Variants in UNC5C observed in about 807,000 individuals in gnomAD.
The protein encoded by UNC5C is netrin receptor UNC5C.
A neutral mutation model predicts 99.8 loss-of-function variants in UNC5C; 47 were observed. The observed-to-expected ratio is 0.47, with a 90% CI of 0.37 to 0.60. UNC5C has a LOEUF of 0.60. UNC5C is among the 20% of genes least tolerant of loss of function. The pLI is 0.00. For missense variants in UNC5C, 1,062 were observed against 1,165.9 expected, an observed-to-expected ratio of 0.91 and a Z score of 1.30; for synonymous variants, 487 against 452.2, an observed-to-expected ratio of 1.08 and a Z score of -0.98.
At position 95,380,630 on chromosome 4, in the gene UNC5C, A is replaced by AAAAAC. The variant is rs1236952744; in HGVS notation, c.125-45004_125-45000dup. ...GATCACCATTTACCCAGAAAAGACAAAAAACAAAACAAAACAAAAACCCTG... is the reference window on the plus strand; with the variant it reads ...GATCACCATTTACCCAGAAAAGACAAAAAACAAAACAAAACAAAACAAAAACCCTG... On this transcript the variant is annotated intron_variant, in intron 1 of 15. Coordinates refer to ENST00000453304, the MANE Select transcript of UNC5C (RefSeq NM_003728.4). Among the ~76,000 whole-genome samples the AAAAAC allele has an allele frequency of 1.8e-4, 28 of 152,212 alleles. No individual in the cohort carries two copies. The East Asian group carries it at 4.7e-3, about 25-fold the overall frequency.
chr4:95,328,352 G>A (rs1405194164), intron 2 of UNC5C, among the ~76,000 whole-genome samples: 1 of 101,978 alleles, frequency 9.8e-6, no homozygotes, highest in Non-Finnish European at 2.2e-5. Flanking sequence ...TACTGAGAAT[G>A]ATGGTTTCCA....
At position 95,327,903 on chromosome 4, in the gene UNC5C, G is replaced by A. The variant is rs539508158; in HGVS notation, c.346+7507C>T. On this transcript the variant is annotated intron_variant, in intron 2 of 15. Transcript: ENST00000453304. ...AAAAAGAATTCAGGACACACTGGGTGCAGGAACCCAAAAAGGCTGTCACAC... is the reference window on the plus strand; with the variant it reads ...AAAAAGAATTCAGGACACACTGGGTACAGGAACCCAAAAAGGCTGTCACAC... 5.3e-5 allele frequency among the ~76,000 whole-genome samples: 8 copies of A among 152,072 alleles called. No homozygotes were observed. The East Asian group carries it at 1.6e-3, about 29-fold the overall frequency.
intron 1 of UNC5C, among the ~76,000 whole-genome samples, chr4:95,500,718 G>A (rs1253902401): frequency 6.6e-6 from 1 of 152,090 alleles, no homozygotes; most frequent in African/African-American, 2.4e-5. Flanking sequence ...TTACTAAAAT[G>A]AATAGAAAAT....
intron 10 of UNC5C, among the ~76,000 whole-genome samples, chr4:95,209,973 A>C (rs1266653378): frequency 4.6e-5 from 7 of 152,162 alleles, no homozygotes; most frequent in Non-Finnish European, 1.0e-4. Context: ...TGGTCTTTGC[A>C]ATATAGTTGG....
chr4:95,422,199 G>A (rs547650520), intron 1 of UNC5C, among the ~76,000 whole-genome samples: 1 of 152,300 alleles, frequency 6.6e-6, no homozygotes, highest in South Asian at 2.1e-4. Context: ...TTCCTGGATT[G>A]TCTGCATTTG....
At chr4:95,177,718 G>T (rs551419246) in intron 14 of UNC5C, among the ~76,000 whole-genome samples, 1 of 152,184 alleles carries the variant, frequency 6.6e-6, no homozygotes, top group Admixed American at 6.5e-5. Context: ...TGTGGTAGGA[G>T]GGGCATTTGA....
In UNC5C at chr4:95,492,587, A is replaced by G. The variant is rs139027042; in HGVS notation, c.124+56147T>C. Among the ~76,000 whole-genome samples the G allele has an allele frequency of 1.0e-3, 154 of 151,514 alleles. No individual in the cohort carries two copies. In the Middle Eastern group the frequency reaches 0.01, roughly 10 times the overall value. On this transcript the variant is annotated intron_variant, in intron 1 of 15. Transcript: ENST00000453304. ...TTAGCTGTGTTTAAGATTTAAAAGT[A>G]TATTTTATTCAAGGTCCAAAAGGAA... is the stretch of plus-strand genomic sequence containing the variant.
Position 95,180,793 on chromosome 4 carries a change from C to T in UNC5C, c.2451+2104G>A, listed in dbSNP as rs142101416. The stretch of plus-strand genomic sequence containing the variant: ...GCCAGCTCATTCCTGGGAGATAGGA[C>T]ATTGGAACGGGAACCCCAGCCTCAT... On this transcript the variant is annotated intron_variant, in intron 14 of 15. Transcript: ENST00000453304. Among the ~76,000 whole-genome samples, 223 of 152,282 alleles carry T rather than the reference C, an allele frequency of 1.5e-3. 1 individual carries two copies. Among genetic ancestry groups the T allele is most frequent in the African/African-American group, 5.1e-3 (212 of 41,554 alleles).
chr4:95,548,332 C>T (rs953711258), intron 1 of UNC5C, among the ~76,000 whole-genome samples: 2 of 152,080 alleles, frequency 1.3e-5, no homozygotes, highest in Non-Finnish European at 2.9e-5. Flanking sequence ...GCATCATGCG[C>T]TTCGGGGTGC....
intron 2 of UNC5C, among the ~76,000 whole-genome samples, chr4:95,325,736 G>T (rs2626034): frequency 0.15 from 22,092 of 151,998 alleles, 2,010 homozygotes; most frequent in Admixed American, 0.19. Flanking sequence ...TGGCCAAAGA[G>T]CAAAGGCCTT....
chr4:95,498,706 AGT>A (rs1216176099), intron 1 of UNC5C, among the ~76,000 whole-genome samples: 5 of 51,618 alleles, frequency 9.7e-5, no homozygotes, highest in Non-Finnish European at 2.9e-4. Context: ...TGGAACATAC[AGT>A]GTTTTTTTTT....
intron 1 of UNC5C, among the ~76,000 whole-genome samples, chr4:95,461,813 A>T (rs900576789): frequency 1.3e-5 from 2 of 152,192 alleles, no homozygotes; most frequent in Non-Finnish European, 2.9e-5. Context: ...GATGATAGTG[A>T]CCATGCTTGC....
chr4:95,178,843 C>CTATT (rs1736479361), intron 14 of UNC5C, among the ~76,000 whole-genome samples: 1 of 152,188 alleles, frequency 6.6e-6, no homozygotes, highest in African/African-American at 2.4e-5. Context: ...CTCACTCAGC[C>CTATT]TATTTATTTC....
chr4:95,271,476 G>A (rs1230974489), intron 4 of UNC5C, among the ~76,000 whole-genome samples: 1 of 151,978 alleles, frequency 6.6e-6, no homozygotes, highest in Non-Finnish European at 1.5e-5. Context: ...TGATCCGCCC[G>A]CCTCGGCCTA....
intron 1 of UNC5C, among the ~76,000 whole-genome samples, chr4:95,479,912 T>C (rs1458459437): frequency 6.6e-6 from 1 of 151,792 alleles, no homozygotes; most frequent in Non-Finnish European, 1.5e-5. Flanking sequence ...CCTCATCTAA[T>C]CTGTTGAAGG....
chr4:95,464,372 T>C (rs1011431601), intron 1 of UNC5C, among the ~76,000 whole-genome samples: 1 of 152,196 alleles, frequency 6.6e-6, no homozygotes, highest in Admixed American at 6.5e-5. Context: ...CATCTACAAT[T>C]AAAAATGACA....
chr4:95,219,076 T>A lies in UNC5C; in HGVS notation c.1538A>T (p.Glu513Val). The change falls in exon 9 of 16, where the codon GAA (glutamate) becomes GTA (valine). Residue 513 changes from glutamate to valine, a missense_variant. This residue lies in a region of UNC5C where 810 missense variants were observed against 854.5 expected (regional missense o/e 0.95). Transcript: ENST00000453304. ...PQMTQSLLEN[E>V]ALSLKNQSLA... The stretch of plus-strand genomic sequence containing the variant: ...ACTCTGGTTCTTCAGGCTGAGGGCT[T>A]CATTCTCCAACAACGACTGGGTCAT... 6.2e-7 allele frequency: 1 copy of A among 1,614,156 alleles called. No homozygotes were observed. The highest frequency in any genetic ancestry group is 2.2e-5 in the East Asian group (1 of 44,884).
chr4:95,265,902 C>T (rs1410064032), intron 4 of UNC5C, among the ~76,000 whole-genome samples: 1 of 151,876 alleles, frequency 6.6e-6, no homozygotes, highest in South Asian at 2.1e-4. Context: ...AAATGAGATA[C>T]GAAAAGAAAG....
chr4:95,423,367 G>A (rs1746373896), intron 1 of UNC5C, among the ~76,000 whole-genome samples: 1 of 152,186 alleles, frequency 6.6e-6, no homozygotes, highest in African/African-American at 2.4e-5. Flanking sequence ...TGTATGGCAG[G>A]AGAAAGTAAG....
Sources: allele counts gnomAD v4.1 joint callset (sites outside exome capture counted in the v4.1 genomes callset), GRCh38; gene constraint gnomAD v4.1.1; regional missense constraint gnomAD v4.1.1; transcripts MANE v1.5; gene names NCBI Gene and HGNC (gene_info 2026-07-23, HGNC 2026-07-21).